Variants in OSBPL6 observed in about 807,000 individuals in gnomAD.
OSBPL6 encodes oxysterol-binding protein-related protein 6.
A neutral mutation model predicts 125.8 loss-of-function variants in OSBPL6; 49 were observed. That is an observed-to-expected ratio of 0.39 (90% CI 0.31 to 0.49). The LOEUF (loss-of-function observed/expected upper bound fraction) is 0.49, where lower values mean the gene tolerates loss of function less well. OSBPL6 is among the 20% of genes least tolerant of loss of function. The pLI is 0.88. For missense variants in OSBPL6, 986 were observed against 1,135.4 expected, an observed-to-expected ratio of 0.87 and a Z score of 1.89; for synonymous variants, 394 against 391.8, an observed-to-expected ratio of 1.01 and a Z score of -0.07.
intron 12 of OSBPL6, among the ~76,000 whole-genome samples, chr2:178,354,058 G>T (rs1285167337): frequency 6.6e-6 from 1 of 152,100 alleles, no homozygotes; most frequent in East Asian, 1.9e-4. Context: ...TCAACACCAG[G>T]CCTGCCTTAC....
At chr2:178,207,808 T>A (rs1245868614) in intron 1 of OSBPL6, among the ~76,000 whole-genome samples, 1 of 152,182 alleles carries the variant, frequency 6.6e-6, no homozygotes, top group Non-Finnish European at 1.5e-5. Context: ...CAAGATATTT[T>A]TCTAAAGCTA....
At chr2:178,333,771 A>C (rs539589074) in intron 8 of OSBPL6, among the ~76,000 whole-genome samples, 2 of 152,352 alleles carry the variant, frequency 1.3e-5, no homozygotes, top group African/African-American at 4.8e-5. Flanking sequence ...GAGGCTATTA[A>C]ATTTCTCCAT....
intron 19 of OSBPL6, among the ~76,000 whole-genome samples, chr2:178,386,541 A>G (rs1335113658): frequency 6.6e-6 from 1 of 152,124 alleles, no homozygotes; most frequent in African/African-American, 2.4e-5. Context: ...TATGGGGGGA[A>G]ATGTATATAT....
In OSBPL6 at chr2:178,263,437, C is replaced by T. The variant is rs1435731564; in HGVS notation, c.-350-21490C>T. ...AGGTTGCAGTGAGCTGAGATTGCAC[C>T]ATTGCACTTCAGCCTGGGCAACAAA... On this transcript the variant is annotated intron_variant, in intron 1 of 24. Transcript: ENST00000190611. Among the ~76,000 whole-genome samples, 3 of 152,166 alleles carry T rather than the reference C, an allele frequency of 2.0e-5. No individual in the cohort carries two copies. In the East Asian group the frequency reaches 5.8e-4, roughly 29 times the overall value.
At position 178,293,296 on chromosome 2, in the gene OSBPL6, G is replaced by C. The variant is rs967266362; in HGVS notation, c.-156+8175G>C. 9.9e-5 allele frequency among the ~76,000 whole-genome samples: 15 copies of C among 152,248 alleles called. No individual in the cohort carries two copies. The East Asian group carries it at 2.9e-3, about 29-fold the overall frequency. On this transcript the variant is annotated intron_variant, in intron 2 of 24. Coordinates refer to ENST00000190611, the MANE Select transcript of OSBPL6 (RefSeq NM_032523.4). ...CTTCCACAGAAAGGGGTTTTGGGGA[G>C]AGTGGTGGGTGGGAGAACCCGTGAT...
At chr2:178,364,000 T>TC (rs1692587595) in intron 13 of OSBPL6, among the ~76,000 whole-genome samples, 1 of 152,168 alleles carries the variant, frequency 6.6e-6, no homozygotes, top group Non-Finnish European at 1.5e-5. Flanking sequence ...CCACTGGCCA[T>TC]CTATTCCCGT....
chr2:178,351,070 A>G (rs1235992186), intron 12 of OSBPL6, among the ~76,000 whole-genome samples: 1 of 152,182 alleles, frequency 6.6e-6, no homozygotes, highest in African/African-American at 2.4e-5. Context: ...TTAATGGTTT[A>G]GGTATAGAAG....
At chr2:178,228,693 A>G (rs905513561) in intron 1 of OSBPL6, among the ~76,000 whole-genome samples, 7 of 152,244 alleles carry the variant, frequency 4.6e-5, no homozygotes, top group Admixed American at 1.3e-4. Flanking sequence ...TATAAAAATT[A>G]TTAGTGAAAT....
intron 11 of OSBPL6, among the ~76,000 whole-genome samples, chr2:178,341,493 C>T (rs568513811): frequency 2.6e-5 from 4 of 152,150 alleles, no homozygotes; most frequent in Admixed American, 2.0e-4. Flanking sequence ...TTCATACTTC[C>T]GCCACATCTT....
intron 1 of OSBPL6, among the ~76,000 whole-genome samples, chr2:178,201,590 A>G (rs1466147437): frequency 6.6e-6 from 1 of 152,222 alleles, no homozygotes; most frequent in Non-Finnish European, 1.5e-5. Flanking sequence ...CTAGCAGATT[A>G]GTCTTTCCAG....
chr2:178,319,582 A>G (rs1169837976), intron 3 of OSBPL6, among the ~76,000 whole-genome samples: 1 of 152,218 alleles, frequency 6.6e-6, no homozygotes, highest in Non-Finnish European at 1.5e-5. Flanking sequence ...CTGGTCAGTC[A>G]GGCAGATCAT....
chr2:178,336,552 T>C, intron 9 of OSBPL6, 119 bp downstream of exon 9: 1 of 1,146,168 alleles, frequency 8.7e-7, no homozygotes, highest in East Asian at 2.4e-5. Context: ...GTCTTGACCT[T>C]TCCTTGCTCT....
chr2:178,350,368 T>G (rs1207108282), intron 12 of OSBPL6, among the ~76,000 whole-genome samples: 1 of 152,158 alleles, frequency 6.6e-6, no homozygotes, highest in African/African-American at 2.4e-5. Context: ...TTTAAAATCT[T>G]CTAGAGAGAG....
chr2:178,373,087 A>G (rs1693551376), intron 14 of OSBPL6, among the ~76,000 whole-genome samples: 1 of 152,200 alleles, frequency 6.6e-6, no homozygotes, highest in African/African-American at 2.4e-5. Flanking sequence ...ATCTATAGGT[A>G]CAAGGGTTCT....
intron 1 of OSBPL6, among the ~76,000 whole-genome samples, chr2:178,217,475 C>T (rs191638823): frequency 3.9e-5 from 6 of 152,276 alleles, no homozygotes; most frequent in African/African-American, 1.4e-4. Context: ...AAATTTAGCA[C>T]ACAGACACAC....
intron 1 of OSBPL6, among the ~76,000 whole-genome samples, chr2:178,256,967 T>TAACA (rs1043567197): frequency 6.6e-6 from 1 of 152,122 alleles, no homozygotes; most frequent in African/African-American, 2.4e-5. Context: ...TGACTAAGCC[T>TAACA]AACAGACAAA....
chr2:178,257,919 G>A (rs1380556100), intron 1 of OSBPL6, among the ~76,000 whole-genome samples: 1 of 151,658 alleles, frequency 6.6e-6, no homozygotes, highest in Non-Finnish European at 1.5e-5. Context: ...CTCATGAGTA[G>A]CTGGGATCAC....
At chr2:178,214,804 A>G (rs938843581) in intron 1 of OSBPL6, among the ~76,000 whole-genome samples, 2 of 151,994 alleles carry the variant, frequency 1.3e-5, no homozygotes, top group Non-Finnish European at 2.9e-5. Flanking sequence ...TTTTTTAATC[A>G]GCCAGGTATG....
chr2:178,269,839 A>G (rs980203967), intron 1 of OSBPL6, among the ~76,000 whole-genome samples: 3 of 152,204 alleles, frequency 2.0e-5, no homozygotes, highest in African/African-American at 7.2e-5. Context: ...ATAATAGGAA[A>G]AGCATAGTGG....
Sources: gnomAD v4.1 joint callset for allele counts (sites outside exome capture counted in the v4.1 genomes callset) on GRCh38, gnomAD v4.1.1 for gene constraint, MANE v1.5 for transcripts, NCBI Gene and HGNC (gene_info 2026-07-23, HGNC 2026-07-21) for gene names.